Variants in RFC3 observed in about 807,000 individuals in gnomAD.
RFC3 encodes replication factor C subunit 3, also known as A1 38 kDa subunit.
RFC3 carries 41 observed loss-of-function variants against 45.1 expected under a neutral mutation model. That is an observed-to-expected ratio of 0.91 (90% CI 0.71 to 1.18). The LOEUF is 1.18. Ranked by LOEUF, RFC3 falls within the 50% of genes most tolerant of loss-of-function variation. RFC3 has a pLI of 0.00. For missense variants in RFC3, 423 were observed against 428.1 expected (o/e 0.99, Z 0.10); for synonymous variants, 149 against 144.0 (o/e 1.03, Z -0.25).
intron 1 of RFC3, among the ~76,000 whole-genome samples, chr13:33,818,551 T>C (rs1034657411): frequency 2.6e-5 from 4 of 152,218 alleles, no homozygotes; most frequent in African/African-American, 9.6e-5. Context: ...GGACAGCAAG[T>C]GCAAAATTCC....
downstream of RFC3, among the ~76,000 whole-genome samples, chr13:33,967,825 C>T (rs1349522741): frequency 6.6e-6 from 1 of 151,992 alleles, no homozygotes; most frequent in African/African-American, 2.4e-5. Flanking sequence ...ACAAGCAGTT[C>T]TCAAACTTAT....
chr13:33,901,350 A>T (rs1170108574), intron 8 of RFC3, among the ~76,000 whole-genome samples: 2 of 152,132 alleles, frequency 1.3e-5, no homozygotes, highest in Non-Finnish European at 2.9e-5. Context: ...ATGAAATATT[A>T]TTCAGCCATA....
chr13:33,842,624 C>T (rs1379745670), intron 8 of RFC3, among the ~76,000 whole-genome samples: 1 of 152,180 alleles, frequency 6.6e-6, no homozygotes, highest in African/African-American at 2.4e-5. Context: ...GTTTTTCCTT[C>T]CTACCCTGCA....
At chr13:33,845,177 G>C (rs569518749) in intron 8 of RFC3, among the ~76,000 whole-genome samples, 1 of 152,240 alleles carries the variant, frequency 6.6e-6, no homozygotes, top group South Asian at 2.1e-4. Context: ...TATGTTGTTT[G>C]TTTCTTTTCT....
intron 8 of RFC3, among the ~76,000 whole-genome samples, chr13:33,954,532 G>A (rs2083009939): frequency 6.6e-6 from 1 of 152,204 alleles, no homozygotes; most frequent in African/African-American, 2.4e-5. Context: ...CATGAAGCCT[G>A]TCTTAGTTCG....
At chr13:33,854,966 T>TGTTA (rs1555233762) in intron 8 of RFC3, among the ~76,000 whole-genome samples, 1 of 151,622 alleles carries the variant, frequency 6.6e-6, no homozygotes, top group Non-Finnish European at 1.5e-5. Flanking sequence ...TTCCCCATAA[T>TGTTA]GCTCTAATCA....
intron 4 of RFC3, among the ~76,000 whole-genome samples, chr13:33,827,702 C>T (rs1032274778): frequency 2.0e-5 from 3 of 152,128 alleles, no homozygotes; most frequent in African/African-American, 7.2e-5. Flanking sequence ...AATTAAGTAA[C>T]AGTTTAGGAA....
chr13:33,967,303 A>G (rs959148007), downstream of RFC3, among the ~76,000 whole-genome samples: 4 of 152,196 alleles, frequency 2.6e-5, no homozygotes, highest in African/African-American at 9.6e-5. Flanking sequence ...TATTTCCCAT[A>G]CTGTATTCTG....
chr13:33,946,338 G>A (rs1312501944), intron 8 of RFC3, among the ~76,000 whole-genome samples: 1 of 151,984 alleles, frequency 6.6e-6, no homozygotes, highest in Non-Finnish European at 1.5e-5. Flanking sequence ...GGGATTACTG[G>A]GATTGCTGTA....
At chr13:33,887,252 C>T (rs1566016903) in intron 8 of RFC3, among the ~76,000 whole-genome samples, 1 of 149,462 alleles carries the variant, frequency 6.7e-6, no homozygotes, top group East Asian at 2.0e-4. Flanking sequence ...GTCCCACCAA[C>T]AGTGTAAAAG....
chr13:33,929,499 A>G (rs1035425793), intron 8 of RFC3, among the ~76,000 whole-genome samples: 2 of 152,156 alleles, frequency 1.3e-5, no homozygotes, highest in Non-Finnish European at 2.9e-5. Flanking sequence ...ATTAAGAAAG[A>G]TCATACAACT....
intron 8 of RFC3, among the ~76,000 whole-genome samples, chr13:33,900,618 T>C (rs1057096517): frequency 2.6e-5 from 4 of 151,838 alleles, no homozygotes; most frequent in African/African-American, 9.7e-5. Context: ...AAGACATTGA[T>C]CTGGGCAAAG....
intron 8 of RFC3, among the ~76,000 whole-genome samples, chr13:33,877,729 A>G (rs2082457821): frequency 6.7e-6 from 1 of 148,414 alleles, no homozygotes; most frequent in Non-Finnish European, 1.5e-5. Context: ...ATAATATATA[A>G]TATATGGTGC....
At chr13:33,854,335 A>AG (rs2082295714) in intron 8 of RFC3, among the ~76,000 whole-genome samples, 1 of 152,212 alleles carries the variant, frequency 6.6e-6, no homozygotes, top group Admixed American at 6.5e-5. Flanking sequence ...TCCTGCAGGC[A>AG]GCATTAGCTC....
chr13:33,868,704 T>G (rs138557716), intron 8 of RFC3, among the ~76,000 whole-genome samples: 2 of 152,352 alleles, frequency 1.3e-5, no homozygotes, highest in East Asian at 3.9e-4. Context: ...TGCTGGAGCC[T>G]GCTCCCACTC....
At chr13:33,973,938 CAA>C in the RFC3 span, among the ~76,000 whole-genome samples, 1 of 152,088 alleles carries the variant, frequency 6.6e-6, no homozygotes, top group Non-Finnish European at 1.5e-5. Flanking sequence ...GTAGAAGACT[CAA>C]AGGCACCTCT....
At chr13:33,931,642 G>GTTGTA (rs2082853025) in intron 8 of RFC3, among the ~76,000 whole-genome samples, 4 of 48,242 alleles carry the variant, frequency 8.3e-5, no homozygotes, top group East Asian at 8.8e-4. Context: ...TGCCTTAGAA[G>GTTGTA]TTGTGTATAA....
At chr13:33,972,297 A>G in the RFC3 span, among the ~76,000 whole-genome samples, 1 of 152,236 alleles carries the variant, frequency 6.6e-6, no homozygotes, top group Non-Finnish European at 1.5e-5. Context: ...TTCTATGCAC[A>G]GAGTCCAACT....
At chr13:33,897,772 A>G (rs1214543608) in intron 8 of RFC3, among the ~76,000 whole-genome samples, 1 of 152,102 alleles carries the variant, frequency 6.6e-6, no homozygotes, top group Non-Finnish European at 1.5e-5. Flanking sequence ...TATCTATAAT[A>G]TATCAGATAA....
Sources: allele counts gnomAD v4.1 joint callset (sites outside exome capture counted in the v4.1 genomes callset), GRCh38; gene constraint gnomAD v4.1.1; transcripts MANE v1.5; gene names NCBI Gene and HGNC (gene_info 2026-07-23, HGNC 2026-07-21).